The following NEDD4L variants were observed in gnomAD, a reference collection of about 807,000 sequenced individuals.
The protein encoded by NEDD4L is NEDD4 like E3 ubiquitin protein ligase.
Under a neutral mutation model 148.9 loss-of-function variants are expected in NEDD4L, and 54 were observed. The observed-to-expected ratio is 0.36, with a 90% CI of 0.29 to 0.45. NEDD4L has a LOEUF of 0.45. Ranked by LOEUF, NEDD4L falls within the 20% of genes least tolerant of loss-of-function variation. The pLI is 1.00. For missense variants in NEDD4L, 856 were observed against 1,233.8 expected, an observed-to-expected ratio of 0.69 and a Z score of 4.59; for synonymous variants, 433 against 440.7, an observed-to-expected ratio of 0.98 and a Z score of 0.22.
At chr18:58,379,082 G>A (rs772597608) in intron 24 of NEDD4L, among the ~76,000 whole-genome samples, 11 of 152,338 alleles carry the variant, frequency 7.2e-5, no homozygotes, top group South Asian at 4.1e-4. Context: ...GGCACAGGAG[G>A]GCGATGGCCC....
chr18:58,061,685 A>G (rs1241095254), intron 1 of NEDD4L, among the ~76,000 whole-genome samples: 1 of 152,184 alleles, frequency 6.6e-6, no homozygotes, highest in Non-Finnish European at 1.5e-5. Flanking sequence ...TTGCTTTAAA[A>G]TATACTGTTA....
At chr18:58,287,706 A>G (rs1023564178) in intron 5 of NEDD4L, among the ~76,000 whole-genome samples, 1 of 152,168 alleles carries the variant, frequency 6.6e-6, no homozygotes. Context: ...TATTTTTTCA[A>G]GAAGAAGACA....
At chr18:58,356,216 C>A (rs574097333) in intron 18 of NEDD4L, among the ~76,000 whole-genome samples, 1 of 152,176 alleles carries the variant, frequency 6.6e-6, no homozygotes, top group Non-Finnish European at 1.5e-5. Flanking sequence ...CCTCAGCCCC[C>A]CAAAGTATTG....
At chr18:58,375,011 G>T (rs1379145776) in intron 24 of NEDD4L, among the ~76,000 whole-genome samples, 2 of 152,050 alleles carry the variant, frequency 1.3e-5, no homozygotes, top group African/African-American at 4.8e-5. Context: ...GGGTCCCAGT[G>T]CTAAAGCCAC....
chr18:58,122,495 CTAAAATAAAA>C (rs544222112), intron 1 of NEDD4L, among the ~76,000 whole-genome samples: 324 of 151,860 alleles, frequency 2.1e-3, no homozygotes, highest in Middle Eastern at 0.014. Flanking sequence ...AAAATTCTGT[CTAAAATAAAA>C]TAAAATAAAA....
chr18:58,196,189 T>C (rs1282606192), intron 2 of NEDD4L, among the ~76,000 whole-genome samples: 1 of 152,242 alleles, frequency 6.6e-6, no homozygotes, highest in African/African-American at 2.4e-5. Flanking sequence ...ACAGATCTTT[T>C]ATTTAAAATT....
intron 1 of NEDD4L, among the ~76,000 whole-genome samples, chr18:58,149,826 A>G (rs894024771): frequency 6.6e-6 from 1 of 152,224 alleles, no homozygotes; most frequent in East Asian, 1.9e-4. Flanking sequence ...AAATTAAGAA[A>G]ATGAATGGAT....
intron 1 of NEDD4L, among the ~76,000 whole-genome samples, chr18:58,120,911 T>C (rs761248461): frequency 3.9e-5 from 6 of 152,060 alleles, no homozygotes; most frequent in Non-Finnish European, 5.9e-5. Flanking sequence ...ATTACCATAT[T>C]CTGCTTGGAC....
At chr18:58,255,415 C>T in intron 5 of NEDD4L, 2 of 955,584 alleles carry the variant, frequency 2.1e-6, no homozygotes, top group Non-Finnish European at 2.7e-6. Context: ...CCACCCTACC[C>T]TCTGTCACAG....
chr18:58,243,195 G>A (rs1443206859), intron 2 of NEDD4L, among the ~76,000 whole-genome samples: 1 of 152,154 alleles, frequency 6.6e-6, no homozygotes, highest in Non-Finnish European at 1.5e-5. Context: ...ATAGCTGAGG[G>A]GCATAAAAAT....
chr18:58,059,496 C>A (rs1209972236), intron 1 of NEDD4L, among the ~76,000 whole-genome samples: 1 of 152,160 alleles, frequency 6.6e-6, no homozygotes, highest in Non-Finnish European at 1.5e-5. Context: ...ACTCCAGGAT[C>A]CATGCTGCCT....
chr18:58,143,827 G>C (rs1206916161), intron 1 of NEDD4L, among the ~76,000 whole-genome samples: 1 of 152,110 alleles, frequency 6.6e-6, no homozygotes, highest in Non-Finnish European at 1.5e-5. Flanking sequence ...CCAGCAATAG[G>C]GTTTTACAGC....
chr18:58,115,954 TG>T (rs2085800292), intron 1 of NEDD4L, among the ~76,000 whole-genome samples: 1 of 152,178 alleles, frequency 6.6e-6, no homozygotes, highest in African/African-American at 2.4e-5. Context: ...GGTTGGAAAT[TG>T]ATGTTATTGG....
At chr18:58,113,839 C>T (rs187910976) in intron 1 of NEDD4L, among the ~76,000 whole-genome samples, 1 of 151,836 alleles carries the variant, frequency 6.6e-6, no homozygotes, top group Non-Finnish European at 1.5e-5. Flanking sequence ...GGGTTGGTGG[C>T]AAGAATAGAT....
intron 5 of NEDD4L, among the ~76,000 whole-genome samples, chr18:58,264,678 C>T (rs965196426): frequency 6.6e-6 from 1 of 151,852 alleles, no homozygotes; most frequent in Non-Finnish European, 1.5e-5. Flanking sequence ...TAAGAACATC[C>T]CAAATCTTGT....
chr18:58,222,368 C>G (rs1243918007), intron 2 of NEDD4L, among the ~76,000 whole-genome samples: 1 of 152,186 alleles, frequency 6.6e-6, no homozygotes, highest in African/African-American at 2.4e-5. Flanking sequence ...AAATCTTTCT[C>G]TTCCTCGGTA....
intron 5 of NEDD4L, among the ~76,000 whole-genome samples, chr18:58,286,981 T>TATAA (rs1336641761): frequency 6.6e-6 from 1 of 152,226 alleles, no homozygotes; most frequent in African/African-American, 2.4e-5. Flanking sequence ...TAACTTTTTA[T>TATAA]TTGCCCAGAA....
intron 2 of NEDD4L, among the ~76,000 whole-genome samples, chr18:58,237,895 G>A (rs1179123604): frequency 6.6e-6 from 1 of 152,228 alleles, no homozygotes; most frequent in Non-Finnish European, 1.5e-5. Flanking sequence ...CAAGGCCAGA[G>A]TTGGTCCTGG....
At chr18:58,373,882 AG>A (rs2047214516) in intron 24 of NEDD4L, among the ~76,000 whole-genome samples, 1 of 152,344 alleles carries the variant, frequency 6.6e-6, no homozygotes, top group South Asian at 2.1e-4. Flanking sequence ...CATCATGCTA[AG>A]GATCTATGCG....
Sources: allele counts gnomAD v4.1 joint callset (sites outside exome capture counted in the v4.1 genomes callset), GRCh38; gene constraint gnomAD v4.1.1; transcripts MANE v1.5; gene names NCBI Gene and HGNC (gene_info 2026-07-23, HGNC 2026-07-21).